The following LRP5 variants were observed in gnomAD, a reference collection of about 807,000 sequenced individuals.
LRP5 encodes low-density lipoprotein receptor-related protein 5.
A neutral mutation model predicts 154.1 loss-of-function variants in LRP5; 62 were observed. The ratio of observed to expected loss-of-function variants is 0.40; its 90% CI spans 0.33 to 0.50. The LOEUF is 0.50. Ranked by LOEUF, LRP5 falls within the 20% of genes least tolerant of loss-of-function variation. LRP5 has a pLI of 0.55. For synonymous variants in LRP5, 966 were observed against 1,011.5 expected, an observed-to-expected ratio of 0.96 and a Z score of 0.85; for missense variants, 1,915 against 2,336.7, an observed-to-expected ratio of 0.82 and a Z score of 3.72.
chr11:68,395,038 C>T (rs983397691), intron 7 of LRP5, among the ~76,000 whole-genome samples: 5 of 152,236 alleles, frequency 3.3e-5, no homozygotes, highest in South Asian at 2.1e-4. Flanking sequence ...TGGTGGCTTA[C>T]GCCTGTAATC....
At chr11:68,405,172 AAAAG>A (rs1330493240) in intron 8 of LRP5, among the ~76,000 whole-genome samples, 1 of 151,924 alleles carries the variant, frequency 6.6e-6, no homozygotes, top group Non-Finnish European at 1.5e-5. Flanking sequence ...GAAAAAAAAA[AAAAG>A]AACATTTATG....
Position 68,356,133 on chromosome 11 carries a change from C to T in LRP5, c.489-1517C>T, listed in dbSNP as rs11607409. On this transcript the variant is annotated intron_variant, in intron 2 of 22. Transcript: ENST00000294304. ...CGCTGGAATTACAGGCATGAGCCAC[C>T]GCACCCAGCCTTTTTTTTTTTTTTT... is the stretch of plus-strand genomic sequence containing the variant. 2.8e-3 allele frequency among the ~76,000 whole-genome samples: 424 copies of T among 149,988 alleles called. 2 individuals are homozygous for T. Among genetic ancestry groups the T allele is most frequent in the Non-Finnish European group, 3.4e-3 (227 of 67,618 alleles).
Position 68,449,169 on chromosome 11 carries a change from T to C in LRP5, c.*99T>C. ...TTTATGATTTAAAAAATAAATATAATTGGGATTTTAAAAACATGAGAAATG... is the reference window on the plus strand; with the variant it reads ...TTTATGATTTAAAAAATAAATATAACTGGGATTTTAAAAACATGAGAAATG... On this transcript the variant is annotated 3_prime_UTR_variant, in exon 23 of 23. Transcript: ENST00000294304. 9.3e-7 allele frequency: 1 copy of C among 1,079,998 alleles called. No homozygotes were observed. The allele number at this position is 1,079,998 out of a possible 1,614,324, so 66.9% of individuals were successfully genotyped here.
At chr11:68,318,871 C>T (rs1330522505) in intron 1 of LRP5, among the ~76,000 whole-genome samples, 1 of 152,190 alleles carries the variant, frequency 6.6e-6, no homozygotes, top group Non-Finnish European at 1.5e-5. Context: ...TTGAGAGGCA[C>T]TCACCTTCTG....
chr11:68,429,829 C>T (rs1397033162), intron 17 of LRP5, 129 bp downstream of exon 17: 2 of 1,220,320 alleles, frequency 1.6e-6, no homozygotes, highest in African/African-American at 3.0e-5. Flanking sequence ...CTGATTGTGT[C>T]TTCCTTTGCC....
chr11:68,329,520 G>A (rs1003865895), intron 1 of LRP5, among the ~76,000 whole-genome samples: 2 of 152,198 alleles, frequency 1.3e-5, no homozygotes, highest in African/African-American at 2.4e-5. Context: ...AGAAATCGGC[G>A]AACAGCCTCC....
rs2098622748 is a variant in LRP5 at position 68,355,860 on chromosome 11, A to C, written c.489-1790A>C. 2.0e-5 allele frequency among the ~76,000 whole-genome samples: 3 copies of C among 151,160 alleles called. No homozygotes were observed. The South Asian group carries it at 6.3e-4, about 32-fold the overall frequency. ...CATGGGTTTTATTCTTTTTTTTTTG[A>C]GACGGAGTGTTGCTGTCTCCCAGGC... On this transcript the variant is annotated intron_variant, in intron 2 of 22. Coordinates refer to ENST00000294304, the MANE Select transcript of LRP5 (RefSeq NM_002335.4).
At chr11:68,438,717 G>A (rs1305102170) in intron 20 of LRP5, 35 bp downstream of exon 20, 14 of 1,592,370 alleles carry the variant, frequency 8.8e-6, no homozygotes, top group South Asian at 6.6e-5. Context: ...ATCTGGAGGA[G>A]GCAGGAGAGT....
chr11:68,431,770 G>A (rs639328), intron 17 of LRP5, among the ~76,000 whole-genome samples: 1,794 of 152,286 alleles, frequency 0.012, 45 homozygotes, highest in African/African-American at 0.041. Flanking sequence ...TCCCACTGAT[G>A]CCCGAACTGC....
chr11:68,405,144 G>A (rs1249277689), intron 8 of LRP5, among the ~76,000 whole-genome samples: 4 of 151,452 alleles, frequency 2.6e-5, no homozygotes, highest in African/African-American at 4.9e-5. Flanking sequence ...GCAATAGAGC[G>A]AGACTCTGTC....
At chr11:68,377,366 C>G (rs1484058987) in intron 5 of LRP5, among the ~76,000 whole-genome samples, 3 of 152,212 alleles carry the variant, frequency 2.0e-5, no homozygotes, top group African/African-American at 7.2e-5. Context: ...AGGTGCCTGC[C>G]AGCTGCTCCT....
chr11:68,442,262 T>A (rs2098678595), intron 21 of LRP5, among the ~76,000 whole-genome samples: 1 of 152,234 alleles, frequency 6.6e-6, no homozygotes. Flanking sequence ...TTTCACCTTA[T>A]TCAGATTGAC....
chr11:68,370,008 C>A (rs1039971205), intron 5 of LRP5, among the ~76,000 whole-genome samples: 1 of 152,144 alleles, frequency 6.6e-6, no homozygotes, highest in Non-Finnish European at 1.5e-5. Context: ...GTGGCTGGTG[C>A]CAGGCCCGTG....
upstream of LRP5, among the ~76,000 whole-genome samples, chr11:68,308,022 C>G (rs2098584961): frequency 6.6e-6 from 1 of 152,236 alleles, no homozygotes; most frequent in African/African-American, 2.4e-5. Context: ...TGTTACCAAC[C>G]AAGCCCTCCA....
At position 68,409,994 on chromosome 11, in the gene LRP5, C is replaced by T. The variant is rs780444299; in HGVS notation, c.2172C>T (p.Ala724=). ...GCCTTGACTACCCCGAGGGCATGGC[C>T]GTTGACTGGATGGGCAAGAACCTCT... is the stretch of plus-strand genomic sequence containing the variant. ...EFGLDYPEGM[A]VDWMGKNLYW... is the part of the protein sequence containing the mutation. Residue 724 remains alanine, a synonymous_variant, in exon 10 of 23, where the codon GCC becomes GCT. Transcript: ENST00000294304. 12 of 1,614,004 alleles carry T rather than the reference C, an allele frequency of 7.4e-6. No homozygotes were observed. Among genetic ancestry groups the T allele is most frequent in the African/African-American group, 2.7e-5 (2 of 74,906 alleles).
rs1159335296 is a variant in LRP5 at position 68,406,710 on chromosome 11, A to G, written c.1988A>G (p.Asn663Ser). 5 of 1,614,200 alleles carry G rather than the reference A, an allele frequency of 3.1e-6. No homozygotes were observed. The highest frequency in any genetic ancestry group is 4.2e-6 in the Non-Finnish European group (5 of 1,180,042). The change falls in exon 9 of 23, where the codon AAT (asparagine) becomes AGT (serine). Residue 663 changes from asparagine to serine, a missense_variant. Coordinates refer to ENST00000294304, the MANE Select transcript of LRP5 (RefSeq NM_002335.4). ...ATCCACAGGATCTCCCTCGAGACCA[A>G]TAACAACGACGTGGCCATCCCGCTC... ...AAIHRISLET[N>S]NNDVAIPLTG...
At chr11:68,363,717 G>A in intron 3 of LRP5, 30 bp from the exon 4 acceptor site, 1 of 1,593,068 alleles carries the variant, frequency 6.3e-7, no homozygotes. Context: ...CCCTCCTGAT[G>A]GCTCCTCCAC....
intron 18 of LRP5, among the ~76,000 whole-genome samples, chr11:68,435,808 C>A (rs1399416182): frequency 6.6e-6 from 1 of 152,190 alleles, no homozygotes; most frequent in Non-Finnish European, 1.5e-5. Flanking sequence ...TCACTGCAAC[C>A]TCCACCTCCC....
chr11:68,425,974 G>T lies in LRP5; in HGVS notation c.3428-4G>T, dbSNP rs753816859. The stretch of plus-strand genomic sequence containing the variant: ...GCTCAGGGGGGCCCACGGGCTGCTT[G>T]CAGGGGCCAACCGCCTGACCCTGGA... On this transcript the variant is annotated splice_region_variant and splice_polypyrimidine_tract_variant and intron_variant, in intron 15 of 22. Coordinates refer to ENST00000294304, the MANE Select transcript of LRP5 (RefSeq NM_002335.4). The T allele has an allele frequency of 7.7e-5, 124 of 1,609,514 alleles. No homozygotes were observed. The highest frequency in any genetic ancestry group is 1.5e-4 in the South Asian group (14 of 91,088).
Sources: gnomAD v4.1 joint callset for allele counts (sites outside exome capture counted in the v4.1 genomes callset) on GRCh38, gnomAD v4.1.1 for gene constraint, MANE v1.5 for transcripts, NCBI Gene and HGNC (gene_info 2026-07-23, HGNC 2026-07-21) for gene names.